Variants in IRAG1 observed in about 807,000 individuals in gnomAD.
IRAG1 encodes IP3R-associated cGMP kinase substrate.
In IRAG1, 62 loss-of-function variants were observed where a neutral mutation model predicts 106.2. The ratio of observed to expected loss-of-function variants is 0.58; its 90% CI spans 0.48 to 0.72. The LOEUF (loss-of-function observed/expected upper bound fraction) is 0.72. Among genes scored for constraint, IRAG1 ranks in the 30% least tolerant of loss-of-function variants. The pLI is 0.00. For synonymous variants in IRAG1, 462 were observed against 443.9 expected, an observed-to-expected ratio of 1.04 and a Z score of -0.51; for missense variants, 1,064 against 1,140.7, an observed-to-expected ratio of 0.93 and a Z score of 0.97.
intron 18 of IRAG1, among the ~76,000 whole-genome samples, chr11:10,584,507 CATAGCTACA>C (rs1421336342): frequency 7.0e-6 from 1 of 143,632 alleles, no homozygotes; most frequent in Non-Finnish European, 1.5e-5. Context: ...AGGAGAAAAA[CATAGCTACA>C]GCCAAGGGCA....
At chr11:10,658,212 G>A (rs1544862) in intron 1 of IRAG1, among the ~76,000 whole-genome samples, 30,967 of 152,164 alleles carry the variant, frequency 0.2, 4,738 homozygotes, top group East Asian at 0.81. Flanking sequence ...CAAGTGAGCC[G>A]GATGGGAAGC....
At chr11:10,649,290 G>T (rs1313932460) in intron 2 of IRAG1, among the ~76,000 whole-genome samples, 1 of 152,220 alleles carries the variant, frequency 6.6e-6, no homozygotes, top group Non-Finnish European at 1.5e-5. Context: ...AGTAAGGGAA[G>T]AGGGTAAAAG....
intron 18 of IRAG1, among the ~76,000 whole-genome samples, chr11:10,587,116 G>T (rs1293476074): frequency 2.0e-5 from 3 of 152,146 alleles, no homozygotes; most frequent in African/African-American, 4.8e-5. Context: ...AATCCTATGT[G>T]CTTTCTTTCT....
chr11:10,601,064 G>T lies in IRAG1; in HGVS notation c.1876-5C>A. On this transcript the variant is annotated splice_polypyrimidine_tract_variant and splice_region_variant and intron_variant, in intron 14 of 20. Transcript: ENST00000423302. The stretch of plus-strand genomic sequence containing the variant: ...TGCTTTCGACATGCGCTTTTCCTGC[G>T]GGGAAGGAGCGCATGAGTGCATGAG... 1 of 1,613,654 alleles carries T rather than the reference G, an allele frequency of 6.2e-7. No individual in the cohort carries two copies. Among genetic ancestry groups the T allele is most frequent in the Non-Finnish European group, 8.5e-7 (1 of 1,179,868 alleles).
intron 12 of IRAG1, among the ~76,000 whole-genome samples, chr11:10,606,522 C>T (rs1439039218): frequency 1.3e-5 from 2 of 152,228 alleles, no homozygotes; most frequent in East Asian, 1.9e-4. Flanking sequence ...CAACTACCTT[C>T]TCCCTTTTGC....
At chr11:10,587,627 C>G (rs567248724) in intron 18 of IRAG1, among the ~76,000 whole-genome samples, 1 of 152,288 alleles carries the variant, frequency 6.6e-6, no homozygotes, top group East Asian at 1.9e-4. Flanking sequence ...TAAAATTGCT[C>G]TGTGATACAT....
intron 10 of IRAG1, among the ~76,000 whole-genome samples, chr11:10,610,700 C>CAG (rs1415342744): frequency 2.6e-5 from 4 of 152,280 alleles, no homozygotes; most frequent in African/African-American, 9.6e-5. Context: ...GATCTTAGCA[C>CAG]AGGAAGACTT....
At chr11:10,690,206 A>G in intron 1 of IRAG1, 1 of 341,742 alleles carries the variant, frequency 2.9e-6, no homozygotes, top group South Asian at 2.2e-5. Flanking sequence ...CCTGGGCAAC[A>G]TGACAAAACT....
In IRAG1 at chr11:10,693,724, C is replaced by G; in HGVS notation, c.-122G>C. 8.5e-7 allele frequency: 1 copy of G among 1,181,948 alleles called. No individual in the cohort carries two copies. Among genetic ancestry groups the G allele is most frequent in the Non-Finnish European group, 1.2e-6 (1 of 845,392 alleles). The allele number at this position is 1,181,948 out of a possible 1,614,324, so 73.2% of individuals were successfully genotyped here. On this transcript the variant is annotated 5_prime_UTR_variant, in exon 1 of 21. Coordinates refer to ENST00000423302, the MANE Select transcript of IRAG1 (RefSeq NM_130385.4). Reference sequence around the variant, plus strand: ...TTAGAGCCGAGAGCTCCTCTGGGAGCCCCACTCCGGCCTGGCTCGGGGGAT... The same window carrying G: ...TTAGAGCCGAGAGCTCCTCTGGGAGGCCCACTCCGGCCTGGCTCGGGGGAT...
At chr11:10,578,432 A>G (rs1851052344) in intron 20 of IRAG1, among the ~76,000 whole-genome samples, 1 of 152,270 alleles carries the variant, frequency 6.6e-6, no homozygotes, top group Non-Finnish European at 1.5e-5. Flanking sequence ...GATCCTCAAG[A>G]GAGCAATATT....
chr11:10,619,171 C>T (rs1180172777), intron 10 of IRAG1, among the ~76,000 whole-genome samples: 11 of 152,196 alleles, frequency 7.2e-5, no homozygotes, highest in African/African-American at 2.4e-4. Flanking sequence ...ATCAAAACAG[C>T]ATACAATATA....
chr11:10,607,505 T>A (rs952325024), intron 11 of IRAG1, among the ~76,000 whole-genome samples: 1 of 152,212 alleles, frequency 6.6e-6, no homozygotes, highest in Non-Finnish European at 1.5e-5. Context: ...CATCTGCATG[T>A]CCACTCGATG....
In IRAG1 at chr11:10,693,529, G is replaced by A. The variant is rs1564949809; in HGVS notation, c.67+7C>T. ...GCAGGTTATTCTAGGATATAGGGGA[G>A]GCTTACCTAAAACTGAGTTATTCTC... On this transcript the variant is annotated splice_region_variant and intron_variant, in intron 1 of 20. Coordinates refer to ENST00000423302, the MANE Select transcript of IRAG1 (RefSeq NM_130385.4). 3 of 1,535,632 alleles carry A rather than the reference G, an allele frequency of 2.0e-6. No individual in the cohort carries two copies. Among genetic ancestry groups the A allele is most frequent in the Admixed American group, 2.0e-5 (1 of 51,000 alleles).
intron 1 of IRAG1, among the ~76,000 whole-genome samples, chr11:10,669,706 A>G (rs944589378): frequency 1.3e-5 from 2 of 152,042 alleles, no homozygotes; most frequent in Non-Finnish European, 1.5e-5. Context: ...GCAGCAGTCC[A>G]CCCTCTCTTT....
intron 3 of IRAG1, among the ~76,000 whole-genome samples, chr11:10,633,283 G>A (rs912281561): frequency 2.6e-5 from 4 of 152,124 alleles, no homozygotes; most frequent in Non-Finnish European, 5.9e-5. Flanking sequence ...CACTGTGTTA[G>A]CCAGGATGGT....
chr11:10,682,476 G>A (rs953231844), intron 1 of IRAG1, among the ~76,000 whole-genome samples: 2 of 152,000 alleles, frequency 1.3e-5, no homozygotes, highest in Non-Finnish European at 2.9e-5. Flanking sequence ...TTCCTTTCTG[G>A]GACCAGCTGG....
chr11:10,586,325 C>T (rs1851983022), intron 18 of IRAG1, among the ~76,000 whole-genome samples: 1 of 152,066 alleles, frequency 6.6e-6, no homozygotes, highest in African/African-American at 2.4e-5. Flanking sequence ...CTCTAAGCAT[C>T]TTTAAGACTA....
intron 15 of IRAG1, among the ~76,000 whole-genome samples, chr11:10,597,099 G>A (rs185588384): frequency 1.3e-5 from 2 of 152,308 alleles, no homozygotes; most frequent in South Asian, 2.1e-4. Flanking sequence ...ATTCACCAAA[G>A]CAAATCCCAT....
chr11:10,654,508 A>G (rs1031985459), intron 1 of IRAG1, among the ~76,000 whole-genome samples: 1 of 152,232 alleles, frequency 6.6e-6, no homozygotes, highest in Admixed American at 6.5e-5. Flanking sequence ...TAGACCATCC[A>G]TAGAGTCATT....
Sources: allele counts gnomAD v4.1 joint callset (sites outside exome capture counted in the v4.1 genomes callset), GRCh38; gene constraint gnomAD v4.1.1; transcripts MANE v1.5; gene names NCBI Gene and HGNC (gene_info 2026-07-23, HGNC 2026-07-21).